PRKD1: variants seen among roughly 807,000 people sequenced by gnomAD.
PRKD1 encodes protein kinase D1, also known as serine/threonine-protein kinase D1.
In PRKD1, 63 loss-of-function variants were observed where a neutral mutation model predicts 95.9. That is an observed-to-expected ratio of 0.66 (90% CI 0.54 to 0.81). The LOEUF is 0.81. PRKD1 is among the 30% of genes least tolerant of loss of function. The probability of loss-of-function intolerance (pLI) is 0.00; values close to 1 mark genes in which losing one functional copy is unlikely to be tolerated. For missense variants in PRKD1, 1,048 were observed against 1,165.3 expected, an observed-to-expected ratio of 0.90 and a Z score of 1.47; for synonymous variants, 425 against 423.1, an observed-to-expected ratio of 1.00 and a Z score of -0.05.
intron 4 of PRKD1, among the ~76,000 whole-genome samples, chr14:29,652,255 G>A (rs539527959): frequency 1.5e-4 from 23 of 152,196 alleles, no homozygotes; most frequent in Admixed American, 3.9e-4. Flanking sequence ...AGAGTTGCAC[G>A]GGATTTTCAG....
chr14:29,794,012 T>C (rs1260936928), intron 1 of PRKD1, among the ~76,000 whole-genome samples: 2 of 152,102 alleles, frequency 1.3e-5, no homozygotes, highest in Non-Finnish European at 2.9e-5. Context: ...GTATTAGCCG[T>C]GTGCAAGTCT....
chr14:29,855,300 T>C (rs532326815), intron 1 of PRKD1, among the ~76,000 whole-genome samples: 80 of 152,254 alleles, frequency 5.3e-4, no homozygotes, highest in African/African-American at 1.9e-3. Context: ...CCCAAGACCA[T>C]GGGAACCCAT....
chr14:29,916,586 C>T (rs1894896676), intron 1 of PRKD1, among the ~76,000 whole-genome samples: 1 of 152,144 alleles, frequency 6.6e-6, no homozygotes, highest in Admixed American at 6.5e-5. Flanking sequence ...TGTTACTGTT[C>T]TGAGGATCTA....
intron 1 of PRKD1, among the ~76,000 whole-genome samples, chr14:29,897,994 T>C (rs1894191496): frequency 6.6e-6 from 1 of 152,098 alleles, no homozygotes; most frequent in Non-Finnish European, 1.5e-5. Flanking sequence ...TCCCTTTAAA[T>C]TTAAAATAAG....
chr14:29,847,926 C>A (rs1022921602), intron 1 of PRKD1, among the ~76,000 whole-genome samples: 1 of 152,124 alleles, frequency 6.6e-6, no homozygotes, highest in Non-Finnish European at 1.5e-5. Flanking sequence ...GAAGATGGTG[C>A]AGCAAGAAGC....
intron 1 of PRKD1, among the ~76,000 whole-genome samples, chr14:29,810,734 T>C (rs1890448972): frequency 6.6e-6 from 1 of 152,378 alleles, no homozygotes; most frequent in East Asian, 1.9e-4. Flanking sequence ...CTGCTCTGGC[T>C]TTAAAATGCC....
intron 1 of PRKD1, among the ~76,000 whole-genome samples, chr14:29,735,709 CCT>C (rs1196798771): frequency 6.6e-6 from 1 of 152,170 alleles, no homozygotes; most frequent in African/African-American, 2.4e-5. Flanking sequence ...CATTCACATG[CCT>C]CTTTCTTCAA....
chr14:29,768,163 G>T (rs2139131394), intron 1 of PRKD1, among the ~76,000 whole-genome samples: 1 of 152,262 alleles, frequency 6.6e-6, no homozygotes, highest in Admixed American at 6.5e-5. Context: ...CACTGGATGG[G>T]TTAATTTCAC....
intron 4 of PRKD1, chr14:29,657,800 G>A (rs942687867): frequency 6.6e-6 from 1 of 152,264 alleles, no homozygotes; most frequent in Admixed American, 6.5e-5. Flanking sequence ...CCGGAAGGCG[G>A]AGCTTGCAGT....
At chr14:29,673,825 G>C (rs1354900642) in intron 2 of PRKD1, among the ~76,000 whole-genome samples, 2 of 152,114 alleles carry the variant, frequency 1.3e-5, no homozygotes, top group Non-Finnish European at 2.9e-5. Flanking sequence ...GTTTTTGCTA[G>C]TACCTTTCTA....
In PRKD1 at chr14:29,576,994, T is replaced by A. The variant is rs931404804; in HGVS notation, c.*244A>T. 3.7e-6 allele frequency: 2 copies of A among 540,488 alleles called. No individual in the cohort carries two copies. Among genetic ancestry groups the A allele is most frequent in the Non-Finnish European group, 6.7e-6 (2 of 300,022 alleles). The allele number at this position is 540,488 out of a possible 1,614,324, so 33.5% of individuals were successfully genotyped here. ...TTTAATGCATTAAATATAACATGAATCATTCACAATAACAAGTTTCGTGTT... is the reference window on the plus strand; with the variant it reads ...TTTAATGCATTAAATATAACATGAAACATTCACAATAACAAGTTTCGTGTT... On this transcript the variant is annotated 3_prime_UTR_variant, in exon 18 of 18. Transcript: ENST00000331968.
At chr14:29,698,908 T>C (rs1334899669) in intron 2 of PRKD1, among the ~76,000 whole-genome samples, 1 of 152,132 alleles carries the variant, frequency 6.6e-6, no homozygotes, top group African/African-American at 2.4e-5. Context: ...GATGCTAAAG[T>C]GCAAAAACAG....
At chr14:29,676,294 G>A (rs1883213993) in intron 2 of PRKD1, among the ~76,000 whole-genome samples, 1 of 150,284 alleles carries the variant, frequency 6.7e-6, no homozygotes, top group Non-Finnish European at 1.5e-5. Context: ...CATTCACCTG[G>A]GAATTAGGGT....
At chr14:29,719,408 T>C (rs1033632936) in intron 2 of PRKD1, among the ~76,000 whole-genome samples, 3 of 152,222 alleles carry the variant, frequency 2.0e-5, no homozygotes, top group African/African-American at 7.2e-5. Context: ...TTCCTGAAGC[T>C]CACTGCTACT....
At chr14:29,725,058 C>T (rs1350626720) in intron 2 of PRKD1, among the ~76,000 whole-genome samples, 4 of 152,178 alleles carry the variant, frequency 2.6e-5, no homozygotes, top group African/African-American at 9.7e-5. Context: ...CCTTCTCTAA[C>T]TCCTGGGCTC....
chr14:29,621,006 C>T (rs1879213083), intron 13 of PRKD1, among the ~76,000 whole-genome samples: 1 of 151,794 alleles, frequency 6.6e-6, no homozygotes, highest in African/African-American at 2.4e-5. Context: ...GAATACTATG[C>T]AGCCATAAAA....
intron 2 of PRKD1, among the ~76,000 whole-genome samples, chr14:29,675,074 TG>T (rs1409628364): frequency 6.6e-6 from 1 of 152,208 alleles, no homozygotes; most frequent in Middle Eastern, 3.2e-3. Context: ...GAACCTGCTG[TG>T]TGCAGGAATT....
At chr14:29,643,427 C>G (rs1158132996) in intron 4 of PRKD1, among the ~76,000 whole-genome samples, 1 of 152,134 alleles carries the variant, frequency 6.6e-6, no homozygotes, top group African/African-American at 2.4e-5. Flanking sequence ...AACATTCTTA[C>G]ACCAAGTGTT....
At chr14:29,823,303 A>C (rs1198573692) in intron 1 of PRKD1, among the ~76,000 whole-genome samples, 2 of 152,202 alleles carry the variant, frequency 1.3e-5, no homozygotes, top group Non-Finnish European at 2.9e-5. Flanking sequence ...AAAGAATATC[A>C]CAAAATATTC....
Sources: allele counts gnomAD v4.1 joint callset (sites outside exome capture counted in the v4.1 genomes callset), GRCh38; gene constraint gnomAD v4.1.1; transcripts MANE v1.5; gene names NCBI Gene and HGNC (gene_info 2026-07-23, HGNC 2026-07-21).